PDCD4: variants seen among roughly 807,000 people sequenced by gnomAD.
The protein encoded by PDCD4 is programmed cell death protein 4.
PDCD4 carries 56 observed loss-of-function variants against 54.0 expected under a neutral mutation model. The observed-to-expected ratio is 1.04, with a 90% CI of 0.84 to 1.30. The LOEUF (loss-of-function observed/expected upper bound fraction) is 1.30, where lower values mean the gene tolerates loss of function less well. Ranked by LOEUF, PDCD4 falls within the 50% of genes most tolerant of loss-of-function variation. The pLI is 0.00. For synonymous variants in PDCD4, 186 were observed against 194.8 expected (o/e 0.95, Z 0.37); for missense variants, 584 against 559.8 (o/e 1.04, Z -0.44).
At chr10:110,886,052 T>C (rs1845665594) in intron 5 of PDCD4, among the ~76,000 whole-genome samples, 1 of 152,178 alleles carries the variant, frequency 6.6e-6, no homozygotes, top group African/African-American at 2.4e-5. Context: ...ATCTTTGGAT[T>C]TGTAGGATTT....
chr10:110,894,736 T>A (rs1590738162), intron 10 of PDCD4, among the ~76,000 whole-genome samples: 1 of 150,156 alleles, frequency 6.7e-6, no homozygotes, highest in East Asian at 1.9e-4. Flanking sequence ...TTTTTTTTTT[T>A]ACCTACTTTA....
rs141733022 is a variant in PDCD4, at chr10:110,879,877, G to A, written c.44-1356G>A. On this transcript the variant is annotated intron_variant, in intron 2 of 11. Transcript: ENST00000280154. ...TCCTAAGTATGTCAAGAATTGTAAA[G>A]ATTTAAACACATGTATGCTTTTTAT... Among the ~76,000 whole-genome samples, 21 of 152,224 alleles carry A rather than the reference G, an allele frequency of 1.4e-4. 1 individual carries two copies. In the East Asian group the frequency reaches 4.1e-3, roughly 29 times the overall value.
chr10:110,878,770 C>G (rs955678166), intron 2 of PDCD4, among the ~76,000 whole-genome samples: 2 of 152,132 alleles, frequency 1.3e-5, no homozygotes, highest in African/African-American at 2.4e-5. Flanking sequence ...TGAGGATAAA[C>G]AGTTTCTTTC....
rs552482933 is a variant in PDCD4 at position 110,878,338 on chromosome 10, A to G, written c.43+2268A>G. 1.8e-4 allele frequency among the ~76,000 whole-genome samples: 28 copies of G among 152,340 alleles called. No homozygotes were observed. In the South Asian group the frequency reaches 5.6e-3, roughly 30 times the overall value. ...GGATGTTAAAATTGTTGAAGAAAAG[A>G]AAACTCGATTATGGGAAATAGATGT... On this transcript the variant is annotated intron_variant, in intron 2 of 11. Coordinates refer to ENST00000280154, the MANE Select transcript of PDCD4 (RefSeq NM_014456.5).
chr10:110,894,377 T>A, intron 9 of PDCD4, 35 bp from the exon 10 acceptor site: 1 of 1,170,788 alleles, frequency 8.5e-7, no homozygotes. Context: ...CATATATGAA[T>A]TAACCAAAAA....
intron 5 of PDCD4, among the ~76,000 whole-genome samples, chr10:110,886,162 T>C (rs1365499099): frequency 2.0e-5 from 3 of 152,172 alleles, no homozygotes; most frequent in Admixed American, 6.5e-5. Flanking sequence ...AGAAATGATA[T>C]GTAAACAGAT....
chr10:110,875,326 A>G (rs1358079005), intron 1 of PDCD4, among the ~76,000 whole-genome samples: 1 of 152,082 alleles, frequency 6.6e-6, no homozygotes, highest in African/African-American at 2.4e-5. Context: ...TAAAAAATGG[A>G]TTTCTCATAT....
intron 10 of PDCD4, 116 bp downstream of exon 10, chr10:110,894,638 CTA>C (rs1464302515): frequency 2.1e-6 from 1 of 470,190 alleles, no homozygotes; most frequent in African/African-American, 2.0e-5. Flanking sequence ...GTTAATATGC[CTA>C]TATGTTTTGT....
intron 8 of PDCD4, among the ~76,000 whole-genome samples, chr10:110,892,385 A>G (rs1268062503): frequency 2.0e-5 from 3 of 152,228 alleles, no homozygotes; most frequent in Non-Finnish European, 2.9e-5. Flanking sequence ...AACTGCCAGT[A>G]TATGAGTTTG....
intron 11 of PDCD4, 123 bp downstream of exon 11, chr10:110,896,210 T>C: frequency 5.6e-6 from 4 of 719,298 alleles, no homozygotes; most frequent in Non-Finnish European, 9.0e-6. Flanking sequence ...TGTGAGTTCA[T>C]GGAGAAAGAA....
Position 110,885,349 on chromosome 10 carries a change from G to A in PDCD4, c.538G>A (p.Asp180Asn), listed in dbSNP as rs766595732. The A allele has an allele frequency of 6.5e-7, 1 of 1,548,246 alleles. No homozygotes were observed. Among genetic ancestry groups the A allele is most frequent in the South Asian group, 1.1e-5 (1 of 88,214 alleles). Residue 180 changes from aspartate to asparagine, a missense_variant, in exon 5 of 12, where the codon GAT becomes AAT. Asp to Asn is a conservative substitution (Grantham distance 23, BLOSUM62 1). Coordinates refer to ENST00000280154, the MANE Select transcript of PDCD4 (RefSeq NM_014456.5). ...CATACAGGAATATTTTGAGCATGGA[G>A]ATACTAATGAAGTTGCGGTAGGTTT... is the stretch of plus-strand genomic sequence containing the variant. ...PIIQEYFEHG[D>N]TNEVAEMLRD... is the part of the protein sequence containing the mutation.
rs556934774 is a variant in PDCD4, at chr10:110,881,598, T to C, written c.346+63T>C. ...AAGTGGAAAAAAATTGTCTGGTTCT[T>C]GTACTACACTTTCCTTGTTCTAGGA... is the stretch of plus-strand genomic sequence containing the variant. On this transcript the variant is annotated intron_variant, in intron 3 of 11. Coordinates refer to ENST00000280154, the MANE Select transcript of PDCD4 (RefSeq NM_014456.5). 1.3e-5 allele frequency: 17 copies of C among 1,322,986 alleles called. No homozygotes were observed. In the African/African-American group the frequency reaches 1.9e-4, roughly 15 times the overall value. 82.0% of individuals were successfully genotyped at this position (1,322,986 alleles called of 1,614,324 possible).
At chr10:110,881,734 T>C (rs1416567654) in intron 3 of PDCD4, among the ~76,000 whole-genome samples, 199 bp downstream of exon 3, 1 of 152,214 alleles carries the variant, frequency 6.6e-6, no homozygotes, top group Admixed American at 6.5e-5. Flanking sequence ...TGTTTTTTCT[T>C]GTTTGAGTAG....
At chr10:110,880,863 A>G (rs1174659190) in intron 2 of PDCD4, among the ~76,000 whole-genome samples, 3 of 152,206 alleles carry the variant, frequency 2.0e-5, no homozygotes, top group Non-Finnish European at 2.9e-5. Flanking sequence ...TTTTCTTAAT[A>G]TCTCCAATTA....
intron 8 of PDCD4, among the ~76,000 whole-genome samples, chr10:110,892,752 A>G (rs1384722152): frequency 6.6e-6 from 1 of 152,124 alleles, no homozygotes. Flanking sequence ...AATGTAGCCT[A>G]AGTATACAGT....
intron 10 of PDCD4, 106 bp downstream of exon 10, chr10:110,894,628 G>A (rs1845803905): frequency 1.9e-6 from 1 of 536,974 alleles, no homozygotes; most frequent in Non-Finnish European, 3.3e-6. Flanking sequence ...TATGTTTAGT[G>A]TTAATATGCC....
intron 1 of PDCD4, among the ~76,000 whole-genome samples, chr10:110,874,578 GATTCAC>G (rs1346522670): frequency 6.6e-6 from 1 of 151,840 alleles, no homozygotes; most frequent in Non-Finnish European, 1.5e-5. Flanking sequence ...TGATTATAAA[GATTCAC>G]ATATATTAAT....
Position 110,881,359 on chromosome 10 carries a change from C to T in PDCD4, c.170C>T (p.Ala57Val), listed in dbSNP as rs1243557143. ...ASSINEARINAKAKRRLRKNS... is the reference protein window; with the variant it reads ...ASSINEARINVKAKRRLRKNS... The stretch of plus-strand genomic sequence containing the variant: ...TCCATTAACGAAGCTAGAATTAATG[C>T]CAAGGCAAAAAGGCGACTAAGGAAA... The change falls in exon 3 of 12, where the codon GCC becomes GTC. Residue 57 changes from alanine (A) to valine (V), a missense_variant. Ala to Val is a moderately conservative substitution (Grantham distance 64). Transcript: ENST00000280154. 1.2e-6 allele frequency: 2 copies of T among 1,613,980 alleles called. No individual in the cohort carries two copies. Among genetic ancestry groups the T allele is most frequent in the Non-Finnish European group, 1.7e-6 (2 of 1,180,044 alleles).
chr10:110,883,644 A>G (rs2135201541), intron 4 of PDCD4, among the ~76,000 whole-genome samples: 1 of 152,268 alleles, frequency 6.6e-6, no homozygotes, highest in South Asian at 2.1e-4. Flanking sequence ...GTCTTGTTTA[A>G]TTCCATTTAC....
Sources: allele counts gnomAD v4.1 joint callset (sites outside exome capture counted in the v4.1 genomes callset), GRCh38; gene constraint gnomAD v4.1.1; transcripts MANE v1.5; gene names NCBI Gene and HGNC (gene_info 2026-07-23, HGNC 2026-07-21).